The following CA10 variants were observed in gnomAD, a reference collection of about 807,000 sequenced individuals.
CA10 encodes the protein carbonic anhydrase 10 (inactive).
A neutral mutation model predicts 44.2 loss-of-function variants in CA10; 14 were observed. The ratio of observed to expected loss-of-function variants is 0.32; its 90% CI spans 0.21 to 0.50. The LOEUF is 0.50. Ranked by LOEUF, CA10 falls within the 20% of genes least tolerant of loss-of-function variation. The probability of loss-of-function intolerance (pLI) is 0.99; values close to 1 mark genes in which losing one functional copy is unlikely to be tolerated. For missense variants in CA10, 350 were observed against 409.7 expected (o/e 0.85, Z 1.26); for synonymous variants, 159 against 141.6 (o/e 1.12, Z -0.87).
At chr17:52,068,266 C>T (rs1453887693) in intron 2 of CA10, among the ~76,000 whole-genome samples, 1 of 152,184 alleles carries the variant, frequency 6.6e-6, no homozygotes, top group Non-Finnish European at 1.5e-5. Context: ...GGCTCTTCCC[C>T]CTTCACTCAG....
chr17:51,732,463 C>A (rs1916752665), intron 4 of CA10, among the ~76,000 whole-genome samples: 1 of 152,212 alleles, frequency 6.6e-6, no homozygotes, highest in Admixed American at 6.5e-5. Flanking sequence ...CTCCATCCCC[C>A]TAATTTGAGT....
intron 1 of CA10, chr17:52,135,135 T>C: frequency 2.7e-6 from 1 of 373,572 alleles, no homozygotes; most frequent in Non-Finnish European, 5.4e-6. Context: ...ACCTTAAAAA[T>C]TGAGTTCTCA....
chr17:51,941,569 C>A (rs1390481822), intron 2 of CA10, among the ~76,000 whole-genome samples: 1 of 152,110 alleles, frequency 6.6e-6, no homozygotes, highest in East Asian at 1.9e-4. Context: ...TTATTTCTAC[C>A]TACTCAACTC....
At chr17:51,732,544 A>G (rs753747910) in intron 4 of CA10, among the ~76,000 whole-genome samples, 1 of 152,080 alleles carries the variant, frequency 6.6e-6, no homozygotes, top group Non-Finnish European at 1.5e-5. Flanking sequence ...CTATCTTCCC[A>G]CTGTGGCAGA....
At chr17:52,014,229 G>C (rs1985898210) in intron 2 of CA10, among the ~76,000 whole-genome samples, 1 of 151,568 alleles carries the variant, frequency 6.6e-6, no homozygotes, top group African/African-American at 2.4e-5. Flanking sequence ...AGAAATATAA[G>C]GAATGATGAC....
At chr17:52,157,295 T>C (rs916136847) in intron 1 of CA10, among the ~76,000 whole-genome samples, 4 of 152,074 alleles carry the variant, frequency 2.6e-5, no homozygotes, top group Non-Finnish European at 5.9e-5. Flanking sequence ...CGCAGTCTCT[T>C]GAAAGTGGTT....
At chr17:51,925,558 G>T (rs9906093) in intron 3 of CA10, among the ~76,000 whole-genome samples, 1 of 152,032 alleles carries the variant, frequency 6.6e-6, no homozygotes, top group African/African-American at 2.4e-5. Context: ...GTTAAACATA[G>T]ATATGCCCCA....
intron 3 of CA10, among the ~76,000 whole-genome samples, chr17:51,836,486 A>G (rs986557275): frequency 1.3e-5 from 2 of 152,232 alleles, no homozygotes; most frequent in Admixed American, 6.5e-5. Context: ...AGCCATGGCC[A>G]AGCTGTCTAA....
chr17:51,950,334 G>C (rs1983433703), intron 2 of CA10, among the ~76,000 whole-genome samples: 1 of 152,080 alleles, frequency 6.6e-6, no homozygotes, highest in Non-Finnish European at 1.5e-5. Context: ...CCCCTTCTCT[G>C]TCCTTTTCTG....
intron 4 of CA10, among the ~76,000 whole-genome samples, chr17:51,710,761 C>T (rs774190399): frequency 2.0e-5 from 3 of 152,016 alleles, no homozygotes; most frequent in Admixed American, 6.6e-5. Flanking sequence ...CCAGAGGTTG[C>T]AAGTCCTCCC....
intron 1 of CA10, among the ~76,000 whole-genome samples, chr17:52,136,587 C>T (rs1272186770): frequency 6.6e-6 from 1 of 152,200 alleles, no homozygotes; most frequent in Non-Finnish European, 1.5e-5. Context: ...GTCTTGCTCA[C>T]AGTCCAGCCA....
At chr17:51,959,278 CTCTCTGTGTG>C (rs1328297507) in intron 2 of CA10, among the ~76,000 whole-genome samples, 8 of 93,330 alleles carry the variant, frequency 8.6e-5, no homozygotes, top group African/African-American at 3.1e-4. Context: ...CTCGCTCTCT[CTCTCTGTGTG>C]TGTGTGTGTG....
At chr17:51,708,767 C>G (rs1915839253) in intron 4 of CA10, among the ~76,000 whole-genome samples, 1 of 152,224 alleles carries the variant, frequency 6.6e-6, no homozygotes, top group Admixed American at 6.5e-5. Flanking sequence ...CTTGCTGAGT[C>G]TTCCGATCCT....
At chr17:51,771,122 CAAAAAAAAAAAAAAAA>C (rs71357854) in intron 3 of CA10, among the ~76,000 whole-genome samples, 1 of 37,664 alleles carries the variant, frequency 2.7e-5, no homozygotes, top group East Asian at 8.7e-4. Context: ...GACTCCGTCT[CAAAAAAAAAAAAAAAA>C]AAAAAAAAAA....
At chr17:52,039,262 C>G (rs1024920516) in intron 2 of CA10, among the ~76,000 whole-genome samples, 4 of 151,980 alleles carry the variant, frequency 2.6e-5, no homozygotes, top group Non-Finnish European at 5.9e-5. Context: ...ACTTTTTCCT[C>G]TAAATATTAG....
intron 2 of CA10, among the ~76,000 whole-genome samples, chr17:51,932,571 G>A (rs1374793689): frequency 6.6e-6 from 1 of 152,022 alleles, no homozygotes; most frequent in Non-Finnish European, 1.5e-5. Context: ...ATCTAATTTG[G>A]TTTCATCCAT....
chr17:52,155,652 G>A (rs964942894), intron 1 of CA10, among the ~76,000 whole-genome samples: 1 of 152,186 alleles, frequency 6.6e-6, no homozygotes, highest in Non-Finnish European at 1.5e-5. Context: ...AAGAGTATAT[G>A]ATGTTGCATC....
rs182461382 is a variant in CA10 at position 51,984,825 on chromosome 17, C to G, written c.137-53693G>C. On this transcript the variant is annotated intron_variant, in intron 2 of 8. Coordinates refer to ENST00000451037, the MANE Select transcript of CA10 (RefSeq NM_020178.5). ...GCTTAAATCAGGAAGAATTAGATAC[C>G]CTGAACAGACTAATAACAAGCAGAG... is the stretch of plus-strand genomic sequence containing the variant. Among the ~76,000 whole-genome samples the G allele has an allele frequency of 1.9e-3, 291 of 151,726 alleles. 1 individual carries two copies. Among genetic ancestry groups the G allele is most frequent in the African/African-American group, 6.5e-3 (268 of 41,432 alleles).
chr17:52,153,783 G>A (rs775600551), intron 1 of CA10, among the ~76,000 whole-genome samples: 1 of 152,142 alleles, frequency 6.6e-6, no homozygotes. Context: ...CAGATTTGTA[G>A]GAAATAATGA....
Sources: allele counts gnomAD v4.1 joint callset (sites outside exome capture counted in the v4.1 genomes callset), GRCh38; gene constraint gnomAD v4.1.1; transcripts MANE v1.5; gene names NCBI Gene and HGNC (gene_info 2026-07-23, HGNC 2026-07-21).